Variants in TXLNB observed in about 807,000 individuals in gnomAD.
The protein encoded by TXLNB is taxilin beta.
Under a neutral mutation model 57.4 loss-of-function variants are expected in TXLNB, and 37 were observed. The observed-to-expected ratio is 0.64, with a 90% CI of 0.50 to 0.85. The LOEUF (loss-of-function observed/expected upper bound fraction) is 0.85, where lower values mean the gene tolerates loss of function less well. TXLNB is among the 40% of genes least tolerant of loss of function. The pLI is 0.00. For synonymous variants in TXLNB, 302 were observed against 309.6 expected, an observed-to-expected ratio of 0.98 and a Z score of 0.26; for missense variants, 848 against 825.6, an observed-to-expected ratio of 1.03 and a Z score of -0.33.
chr6:139,270,694 G>A (rs1583015548), intron 3 of TXLNB, 68 bp from the exon 4 acceptor site: 15 of 1,408,316 alleles, frequency 1.1e-5, no homozygotes, highest in African/African-American at 1.4e-5. Context: ...TAGAAAAAAA[G>A]CAAACCTAAA....
the TXLNB span, among the ~76,000 whole-genome samples, chr6:139,191,194 C>T: frequency 1.1e-4 from 17 of 151,954 alleles, no homozygotes; most frequent in Non-Finnish European, 4.4e-5. Flanking sequence ...CCGAGATGGG[C>T]GGATCACCGA....
chr6:139,166,845 C>G, the TXLNB span: 1 of 1,613,902 alleles, frequency 6.2e-7, no homozygotes, highest in Middle Eastern at 1.6e-4. Flanking sequence ...ACGGGCTACT[C>G]CATCCTCTCT....
chr6:139,259,956 T>C (rs1460663003), intron 6 of TXLNB, among the ~76,000 whole-genome samples: 1 of 152,124 alleles, frequency 6.6e-6, no homozygotes, highest in Non-Finnish European at 1.5e-5. Flanking sequence ...GGCGCGATGG[T>C]TCACACCTGT....
the TXLNB span, among the ~76,000 whole-genome samples, chr6:139,310,831 A>T: frequency 1.1e-4 from 17 of 152,260 alleles, no homozygotes; most frequent in African/African-American, 4.1e-4. Context: ...AGTACCTGGG[A>T]TTACAGGCAC....
the TXLNB span, among the ~76,000 whole-genome samples, chr6:139,169,170 A>G: frequency 6.6e-6 from 1 of 151,922 alleles, no homozygotes; most frequent in Non-Finnish European, 1.5e-5. Flanking sequence ...CCGCTACCCT[A>G]TTTTCACTTT....
chr6:139,250,080 T>A (rs995739596), intron 7 of TXLNB, among the ~76,000 whole-genome samples: 1 of 151,650 alleles, frequency 6.6e-6, no homozygotes, highest in Admixed American at 6.6e-5. Context: ...AATTGTGTGA[T>A]CCTAGCTCAC....
At chr6:139,231,460 T>C in the TXLNB span, among the ~76,000 whole-genome samples, 17 of 152,150 alleles carry the variant, frequency 1.1e-4, no homozygotes, top group African/African-American at 4.1e-4. Flanking sequence ...CCACTGTCAT[T>C]CCAGGGGCTA....
chr6:139,304,039 C>T, the TXLNB span, among the ~76,000 whole-genome samples: 2 of 151,946 alleles, frequency 1.3e-5, no homozygotes, highest in Non-Finnish European at 2.9e-5. Flanking sequence ...AAGAAACTAC[C>T]ACTAGTCAAA....
At chr6:139,277,019 C>G in intron 2 of TXLNB, 98 bp from the exon 3 acceptor site, 1 of 830,368 alleles carries the variant, frequency 1.2e-6, no homozygotes, top group Non-Finnish European at 1.8e-6. Context: ...TATTCCCAAC[C>G]TTGGCTAAGC....
intron 4 of TXLNB, among the ~76,000 whole-genome samples, chr6:139,267,679 C>A (rs959996523): frequency 3.9e-5 from 6 of 152,056 alleles, no homozygotes; most frequent in African/African-American, 1.4e-4. Context: ...AATTAAAGGG[C>A]AGATACTGTA....
chr6:139,237,990 GGTTT>G (rs1775855212), downstream of TXLNB, among the ~76,000 whole-genome samples: 1 of 152,062 alleles, frequency 6.6e-6, no homozygotes, highest in Non-Finnish European at 1.5e-5. Context: ...TGAATTTCTA[GGTTT>G]ATTTTGCTAG....
the TXLNB span, among the ~76,000 whole-genome samples, chr6:139,165,566 C>T: frequency 6.6e-6 from 1 of 151,658 alleles, no homozygotes; most frequent in Non-Finnish European, 1.5e-5. Flanking sequence ...GCTCATCCCC[C>T]ACCCCCTGTG....
the TXLNB span, among the ~76,000 whole-genome samples, chr6:139,306,377 A>C: frequency 4.6e-5 from 7 of 152,208 alleles, no homozygotes; most frequent in Admixed American, 6.5e-5. Flanking sequence ...ACAGATGGAA[A>C]GGGTCAAACT....
chr6:139,206,416 C>G, the TXLNB span, among the ~76,000 whole-genome samples: 1 of 152,158 alleles, frequency 6.6e-6, no homozygotes, highest in East Asian at 1.9e-4. Flanking sequence ...AGCCTGTAAT[C>G]CCAGCACTTT....
chr6:139,208,408 T>G, the TXLNB span, among the ~76,000 whole-genome samples: 1 of 152,108 alleles, frequency 6.6e-6, no homozygotes, highest in Non-Finnish European at 1.5e-5. Context: ...TTCCAAAAGA[T>G]AGAGAAAGAG....
chr6:139,174,711 A>T, the TXLNB span: 1 of 865,758 alleles, frequency 1.2e-6, no homozygotes, highest in Non-Finnish European at 1.6e-6. Context: ...ATTAAAAGGA[A>T]TACTGTAGAA....
chr6:139,294,473 TG>T (rs1249876181), upstream of TXLNB, among the ~76,000 whole-genome samples: 1 of 152,124 alleles, frequency 6.6e-6, no homozygotes, highest in African/African-American at 2.4e-5. Context: ...CCCCAGGTGA[TG>T]GTATGAGGAG....
At position 139,240,144 on chromosome 6, in the gene TXLNB, A is replaced by C. The variant is rs190614596; in HGVS notation, c.*2382T>G. ...AACAATAACTTTAGTGTTTCTAGAAAGTAGATGGCATTTCTAAAAAATAGT... is the reference window on the plus strand; with the variant it reads ...AACAATAACTTTAGTGTTTCTAGAACGTAGATGGCATTTCTAAAAAATAGT... On this transcript the variant is annotated 3_prime_UTR_variant, in exon 10 of 10. Coordinates refer to ENST00000358430, the MANE Select transcript of TXLNB (RefSeq NM_153235.4). 50 of 152,764 alleles carry C rather than the reference A, an allele frequency of 3.3e-4. No homozygotes were observed. Among genetic ancestry groups the C allele is most frequent in the African/African-American group, 1.2e-3 (50 of 41,572 alleles). The allele number at this position is 152,764 out of a possible 1,614,324, so 9.5% of individuals were successfully genotyped here.
the TXLNB span, among the ~76,000 whole-genome samples, chr6:139,301,525 T>C: frequency 6.6e-6 from 1 of 152,108 alleles, no homozygotes; most frequent in Non-Finnish European, 1.5e-5. Flanking sequence ...TGCCAGGAAA[T>C]CTTCTATAGA....
Sources: allele counts gnomAD v4.1 joint callset (sites outside exome capture counted in the v4.1 genomes callset), GRCh38; gene constraint gnomAD v4.1.1; transcripts MANE v1.5; gene names NCBI Gene and HGNC (gene_info 2026-07-23, HGNC 2026-07-21).